SYT17: variants seen among roughly 807,000 people sequenced by gnomAD.
The protein encoded by SYT17 is synaptotagmin-17.
SYT17 carries 22 observed loss-of-function variants against 46.7 expected under a neutral mutation model. The ratio of observed to expected loss-of-function variants is 0.47; its 90% CI spans 0.34 to 0.67. SYT17 has a LOEUF of 0.67. Among genes scored for constraint, SYT17 ranks in the 30% least tolerant of loss-of-function variants. SYT17 has a pLI of 0.01. For synonymous variants in SYT17, 251 were observed against 248.4 expected, an observed-to-expected ratio of 1.01 and a Z score of -0.10; for missense variants, 519 against 612.8, an observed-to-expected ratio of 0.85 and a Z score of 1.62.
In SYT17 at chr16:19,237,132, G is replaced by A. The variant is rs1489475652; in HGVS notation, c.1228+12294G>A. Among the ~76,000 whole-genome samples the A allele has an allele frequency of 3.3e-5, 5 of 152,210 alleles. 1 individual carries two copies. In the East Asian group the frequency reaches 7.7e-4, roughly 23 times the overall value. ...ACTGTTTAGGTAGTAACTAGCAACC[G>A]TGCAAAGTCATCCAGCTGGTGAGTG... On this transcript the variant is annotated intron_variant, in intron 7 of 7. Coordinates refer to ENST00000355377, the MANE Select transcript of SYT17 (RefSeq NM_016524.4).
intron 7 of SYT17, among the ~76,000 whole-genome samples, chr16:19,261,514 G>A (rs1014469103): frequency 2.6e-5 from 4 of 152,146 alleles, no homozygotes; most frequent in African/African-American, 9.7e-5. Flanking sequence ...CATCCTTTCT[G>A]GTGATTTAGT....
At chr16:19,213,577 C>T (rs1965984875) in intron 5 of SYT17, among the ~76,000 whole-genome samples, 1 of 152,218 alleles carries the variant, frequency 6.6e-6, no homozygotes, top group South Asian at 2.1e-4. Flanking sequence ...AGAGGAGCTT[C>T]TCGCATCAGA....
chr16:19,248,517 T>C (rs1359938455), intron 7 of SYT17, among the ~76,000 whole-genome samples: 1 of 152,190 alleles, frequency 6.6e-6, no homozygotes, highest in East Asian at 1.9e-4. Context: ...TTGTGAGACA[T>C]TCATACATTA....
intron 7 of SYT17, among the ~76,000 whole-genome samples, chr16:19,241,236 C>T (rs1015551276): frequency 3.2e-4 from 48 of 151,916 alleles, no homozygotes; most frequent in African/African-American, 1.1e-3. Context: ...CGTGAGCCAC[C>T]GCGCCCGGCC....
intron 6 of SYT17, among the ~76,000 whole-genome samples, chr16:19,224,252 C>T (rs1966422366): frequency 1.3e-5 from 2 of 152,158 alleles, no homozygotes; most frequent in South Asian, 4.1e-4. Context: ...ACTGATTTCT[C>T]ACCTTGAGTC....
intron 5 of SYT17, among the ~76,000 whole-genome samples, chr16:19,189,996 C>A (rs73532728): frequency 0.017 from 2,534 of 152,236 alleles, 69 homozygotes; most frequent in African/African-American, 0.058. Flanking sequence ...GGAGCTATGG[C>A]ATTTTTGGGG....
intron 5 of SYT17, among the ~76,000 whole-genome samples, chr16:19,206,769 C>T (rs1261064135): frequency 1.3e-5 from 2 of 152,126 alleles, no homozygotes. Flanking sequence ...GTTTCTTCTC[C>T]CCATTTCATA....
intron 7 of SYT17, among the ~76,000 whole-genome samples, chr16:19,242,234 C>T (rs1036254441): frequency 9.9e-5 from 15 of 152,106 alleles, no homozygotes; most frequent in South Asian, 2.1e-4. Flanking sequence ...GATAAATAAA[C>T]GAACAGCTAA....
chr16:19,251,547 T>C (rs1014116614), intron 7 of SYT17, among the ~76,000 whole-genome samples: 2 of 152,120 alleles, frequency 1.3e-5, no homozygotes, highest in Non-Finnish European at 2.9e-5. Context: ...CCCACCATTT[T>C]ATAGCGCAAG....
intron 5 of SYT17, among the ~76,000 whole-genome samples, chr16:19,195,203 C>T (rs1424532272): frequency 6.6e-6 from 1 of 152,092 alleles, no homozygotes; most frequent in Non-Finnish European, 1.5e-5. Flanking sequence ...ATTGTGTGAA[C>T]TATTATTATC....
chr16:19,259,590 G>A (rs185095319), intron 7 of SYT17, among the ~76,000 whole-genome samples: 8 of 152,168 alleles, frequency 5.3e-5, no homozygotes, highest in Admixed American at 2.0e-4. Context: ...TTTGAATTAT[G>A]TCTAAATCCA....
chr16:19,259,872 G>C (rs77536414), intron 7 of SYT17, among the ~76,000 whole-genome samples: 1 of 152,082 alleles, frequency 6.6e-6, no homozygotes, highest in Non-Finnish European at 1.5e-5. Flanking sequence ...GAGGTCCAGA[G>C]GACATGCGCC....
chr16:19,206,984 G>C (rs1965697186), intron 5 of SYT17, among the ~76,000 whole-genome samples: 1 of 152,174 alleles, frequency 6.6e-6, no homozygotes, highest in South Asian at 2.1e-4. Flanking sequence ...TGGGTCATGG[G>C]AGTGGATCCC....
intron 5 of SYT17, among the ~76,000 whole-genome samples, chr16:19,187,397 T>C (rs1057349843): frequency 6.6e-6 from 1 of 152,170 alleles, no homozygotes; most frequent in African/African-American, 2.4e-5. Context: ...GGGCACCATA[T>C]TGAAGACTGA....
At chr16:19,199,209 A>C (rs1284747473) in intron 5 of SYT17, among the ~76,000 whole-genome samples, 3 of 152,106 alleles carry the variant, frequency 2.0e-5, no homozygotes, top group African/African-American at 4.8e-5. Context: ...CTGTTTCCTG[A>C]CACTGTGCAA....
At chr16:19,178,676 C>G (rs539728183) in intron 3 of SYT17, among the ~76,000 whole-genome samples, 55 of 152,264 alleles carry the variant, frequency 3.6e-4, no homozygotes, top group African/African-American at 1.2e-3. Flanking sequence ...TCAAAACTTG[C>G]ATTTTTCAAG....
At chr16:19,171,290 ATGATG>A (rs1470010685) in intron 1 of SYT17, 1 of 9,280 alleles carries the variant, frequency 1.1e-4, no homozygotes, top group Non-Finnish European at 2.1e-4. Context: ...CACCTATACT[ATGATG>A]ATGATGATGA....
chr16:19,224,625 C>A, intron 6 of SYT17, 58 bp from the exon 7 acceptor site: 1 of 1,576,716 alleles, frequency 6.3e-7, no homozygotes, highest in Non-Finnish European at 8.7e-7. Context: ...GGCAGAATGA[C>A]TGGACGGATT....
At chr16:19,192,285 G>A (rs973712466) in intron 5 of SYT17, among the ~76,000 whole-genome samples, 1 of 151,852 alleles carries the variant, frequency 6.6e-6, no homozygotes, top group Non-Finnish European at 1.5e-5. Flanking sequence ...GCTGGGTGTG[G>A]TGGCGCATGC....
Sources: gnomAD v4.1 joint callset for allele counts (sites outside exome capture counted in the v4.1 genomes callset) on GRCh38, gnomAD v4.1.1 for gene constraint, MANE v1.5 for transcripts, NCBI Gene and HGNC (gene_info 2026-07-23, HGNC 2026-07-21) for gene names.